Variants in SLC28A1 observed in about 807,000 individuals in gnomAD.
SLC28A1 encodes sodium/nucleoside cotransporter 1.
Under a neutral mutation model 74.8 loss-of-function variants are expected in SLC28A1, and 64 were observed. The ratio of observed to expected loss-of-function variants is 0.86; its 90% CI spans 0.70 to 1.05. The LOEUF is 1.05. SLC28A1 is among the 50% of genes least tolerant of loss of function. The pLI, the probability that SLC28A1 is intolerant of heterozygous loss-of-function variation, is 0.00. For synonymous variants in SLC28A1, 359 were observed against 335.0 expected, an observed-to-expected ratio of 1.07 and a Z score of -0.78; for missense variants, 828 against 822.8, an observed-to-expected ratio of 1.01 and a Z score of -0.08.
intron 8 of SLC28A1, among the ~76,000 whole-genome samples, chr15:84,907,495 T>TTAGTA (rs1218847643): frequency 6.6e-6 from 1 of 151,240 alleles, no homozygotes; most frequent in Non-Finnish European, 1.5e-5. Context: ...TTTTTTAATT[T>TTAGTA]TAGTTTAGTT....
chr15:84,975,553 G>A, the SLC28A1 span: 641 of 456,176 alleles, frequency 1.4e-3, 2 homozygotes, highest in Non-Finnish European at 2.5e-3. Flanking sequence ...GAGTGTTTTC[G>A]TGCTTCATTG....
chr15:84,904,390 G>C, intron 7 of SLC28A1, 152 bp downstream of exon 7: 1 of 1,146,812 alleles, frequency 8.7e-7, no homozygotes, highest in Non-Finnish European at 1.3e-6. Flanking sequence ...TATCAGGATA[G>C]GCTTCCTGTG....
At chr15:84,896,243 G>T (rs908555235) in intron 6 of SLC28A1, among the ~76,000 whole-genome samples, 1 of 152,208 alleles carries the variant, frequency 6.6e-6, no homozygotes, top group African/African-American at 2.4e-5. Context: ...TCTGCATAAA[G>T]AAACTGTATG....
chr15:84,935,632 G>A, intron 15 of SLC28A1, 114 bp downstream of exon 15: 1 of 869,254 alleles, frequency 1.2e-6, no homozygotes, highest in Non-Finnish European at 1.9e-6. Flanking sequence ...ACACTGAAGT[G>A]GTGCTTCACC....
chr15:84,904,171 T>G lies in SLC28A1; in HGVS notation c.536T>G (p.Leu179Arg). The G allele has an allele frequency of 6.2e-7, 1 of 1,614,242 alleles. No homozygotes were observed. ...GACACCTCCCAGCGGCCTGAGCAAC[T>G]GGTGTCCTTCGCAGGAATCTGCGTG... ...SLDTSQRPEQ[L>R]VSFAGICVFV... The change falls in exon 7 of 19, where the codon CTG becomes CGG. Residue 179 changes from leucine to arginine, a missense_variant. Transcript: ENST00000394573.
chr15:84,960,219 G>A, the SLC28A1 span, among the ~76,000 whole-genome samples: 1 of 130,614 alleles, frequency 7.7e-6, no homozygotes, highest in Non-Finnish European at 1.6e-5. Flanking sequence ...ACTCCCCTGT[G>A]CCTGCCTGCT....
chr15:84,959,145 C>T, the SLC28A1 span, among the ~76,000 whole-genome samples: 1,239 of 151,214 alleles, frequency 8.2e-3, 24 homozygotes, highest in African/African-American at 0.029. Context: ...ACTCTGTCAC[C>T]CAGGCTGGAG....
At chr15:84,918,440 C>T in intron 9 of SLC28A1, 84 bp from the exon 10 acceptor site, 2 of 967,672 alleles carry the variant, frequency 2.1e-6, no homozygotes, top group Non-Finnish European at 1.7e-6. Flanking sequence ...ATGGAGTGGG[C>T]TGTCTGGGGT....
chr15:84,922,545 C>T (rs891869089), intron 11 of SLC28A1, among the ~76,000 whole-genome samples: 2 of 152,220 alleles, frequency 1.3e-5, no homozygotes, highest in Non-Finnish European at 2.9e-5. Context: ...CCACCTGCCT[C>T]TCACCTGGAC....
At chr15:84,938,200 CAAA>C (rs34641275) in intron 15 of SLC28A1, among the ~76,000 whole-genome samples, 2 of 129,192 alleles carry the variant, frequency 1.5e-5, no homozygotes, top group African/African-American at 2.9e-5. Context: ...AACTCCATCT[CAAA>C]AAAAAAAAAA....
chr15:84,892,355 G>C (rs1401779308), intron 5 of SLC28A1, among the ~76,000 whole-genome samples: 1 of 152,036 alleles, frequency 6.6e-6, no homozygotes, highest in South Asian at 2.1e-4. Context: ...AGATGGGGTG[G>C]GTCCATGTCC....
At chr15:84,959,491 T>C in the SLC28A1 span, among the ~76,000 whole-genome samples, 4 of 152,094 alleles carry the variant, frequency 2.6e-5, no homozygotes, top group Non-Finnish European at 5.9e-5. Flanking sequence ...TTTTTTGTAA[T>C]GTTAGACCCT....
chr15:84,971,397 C>T, the SLC28A1 span, among the ~76,000 whole-genome samples: 1 of 152,140 alleles, frequency 6.6e-6, no homozygotes, highest in Non-Finnish European at 1.5e-5. Context: ...TTGGTGCCAT[C>T]CTCATCCTCA....
At chr15:84,915,278 A>G (rs1968926031) in intron 9 of SLC28A1, among the ~76,000 whole-genome samples, 1 of 152,294 alleles carries the variant, frequency 6.6e-6, no homozygotes, top group South Asian at 2.1e-4. Flanking sequence ...GCAAGTCCAG[A>G]TACAACCTGC....
At chr15:84,964,689 T>G in the SLC28A1 span, among the ~76,000 whole-genome samples, 1 of 152,178 alleles carries the variant, frequency 6.6e-6, no homozygotes, top group African/African-American at 2.4e-5. Context: ...CCCCTTGTGG[T>G]CACAAGATGG....
intron 15 of SLC28A1, among the ~76,000 whole-genome samples, chr15:84,939,015 T>C (rs1972319319): frequency 6.6e-6 from 1 of 152,192 alleles, no homozygotes; most frequent in Admixed American, 6.5e-5. Flanking sequence ...TTTGACATTT[T>C]GAATTTTAAG....
intron 15 of SLC28A1, among the ~76,000 whole-genome samples, chr15:84,939,085 T>G (rs562088213): frequency 1.3e-5 from 2 of 152,236 alleles, no homozygotes; most frequent in Admixed American, 1.3e-4. Context: ...TTTGGGAGGC[T>G]AAGGCAGGAG....
chr15:84,952,549 AC>A, the SLC28A1 span, among the ~76,000 whole-genome samples: 1 of 152,240 alleles, frequency 6.6e-6, no homozygotes. Context: ...GACAAAGGAC[AC>A]ATTTTTATCC....
chr15:84,896,905 G>A (rs1966058367), intron 6 of SLC28A1, among the ~76,000 whole-genome samples: 1 of 152,168 alleles, frequency 6.6e-6, no homozygotes, highest in South Asian at 2.1e-4. Context: ...CCATTTATAT[G>A]AAATGTCCAG....
Sources: gnomAD v4.1 joint callset for allele counts (sites outside exome capture counted in the v4.1 genomes callset) on GRCh38, gnomAD v4.1.1 for gene constraint, MANE v1.5 for transcripts, NCBI Gene and HGNC (gene_info 2026-07-23, HGNC 2026-07-21) for gene names.